ODR4: variants seen among roughly 807,000 people sequenced by gnomAD.
The protein encoded by ODR4 is protein odr-4 homolog.
ODR4 carries 47 observed loss-of-function variants against 60.2 expected under a neutral mutation model. The ratio of observed to expected loss-of-function variants is 0.78; its 90% CI spans 0.62 to 1.00. The LOEUF is 1.00. ODR4 is among the 50% of genes least tolerant of loss of function. ODR4 has a pLI of 0.00. For synonymous variants in ODR4, 178 were observed against 175.5 expected (o/e 1.01, Z -0.11); for missense variants, 488 against 530.8 (o/e 0.92, Z 0.79).
the ODR4 span, among the ~76,000 whole-genome samples, chr1:186,428,695 TGA>T: frequency 6.6e-6 from 1 of 152,314 alleles, no homozygotes. Flanking sequence ...TGGTTTAAAG[TGA>T]GAGACATATA....
At position 186,396,200 on chromosome 1, in the gene ODR4, C is replaced by A. The variant is rs113233868; in HGVS notation, c.781-2113C>A. On this transcript the variant is annotated intron_variant, in intron 9 of 13. Coordinates refer to ENST00000287859, the MANE Select transcript of ODR4 (RefSeq NM_017847.6). ...TCATAGAAGTTCCCTCACCTATAGGCTGTTTGGCAGCCAGGTTATTCCTAA... is the reference window on the plus strand; with the variant it reads ...TCATAGAAGTTCCCTCACCTATAGGATGTTTGGCAGCCAGGTTATTCCTAA... 2.2e-3 allele frequency among the ~76,000 whole-genome samples: 332 copies of A among 152,288 alleles called. 4 individuals carry two copies. Among genetic ancestry groups the A allele is most frequent in the African/African-American group, 7.6e-3 (314 of 41,562 alleles).
rs1000394516 is a variant in ODR4, at chr1:186,380,545, G to A, written c.99+661G>A. 5.3e-5 allele frequency among the ~76,000 whole-genome samples: 8 copies of A among 150,248 alleles called. No homozygotes were observed. The East Asian group carries it at 1.6e-3, about 29-fold the overall frequency. On this transcript the variant is annotated intron_variant, in intron 2 of 13. Coordinates refer to ENST00000287859, the MANE Select transcript of ODR4 (RefSeq NM_017847.6). ...TGAGTGAAGGAAGAACGTGTTAATC[G>A]GCAGGAGGGACCGGTCAGCAGTACA...
intron 9 of ODR4, among the ~76,000 whole-genome samples, chr1:186,394,454 T>C (rs1660594174): frequency 6.6e-6 from 1 of 152,138 alleles, no homozygotes; most frequent in Non-Finnish European, 1.5e-5. Flanking sequence ...AATTAGCAAG[T>C]TTTATATTTA....
At chr1:186,391,163 A>G (rs1660454660) in intron 7 of ODR4, among the ~76,000 whole-genome samples, 1 of 152,134 alleles carries the variant, frequency 6.6e-6, no homozygotes, top group Non-Finnish European at 1.5e-5. Context: ...ATATAACAGT[A>G]TTCATTAATT....
chr1:186,399,163 T>G (rs775007598), intron 11 of ODR4, 119 bp downstream of exon 11: 1 of 755,546 alleles, frequency 1.3e-6, no homozygotes, highest in East Asian at 2.8e-5. Context: ...AAGCAGTATA[T>G]CATCTTTTAT....
At chr1:186,395,603 A>G (rs1373803293) in intron 9 of ODR4, among the ~76,000 whole-genome samples, 1 of 152,118 alleles carries the variant, frequency 6.6e-6, no homozygotes, top group Admixed American at 6.6e-5. Flanking sequence ...TTAGCCTTAC[A>G]ACAGTATTAT....
At chr1:186,430,813 T>C in the ODR4 span, among the ~76,000 whole-genome samples, 1 of 151,796 alleles carries the variant, frequency 6.6e-6, no homozygotes, top group Non-Finnish European at 1.5e-5. Flanking sequence ...TAAATAGTGC[T>C]TTACAGTTTA....
chr1:186,380,114 T>C (rs1419013822), intron 2 of ODR4, among the ~76,000 whole-genome samples: 5 of 152,214 alleles, frequency 3.3e-5, no homozygotes, highest in Admixed American at 6.5e-5. Flanking sequence ...CCTTTGACCA[T>C]GTAAACGTAA....
At chr1:186,399,774 T>C (rs963797049) in intron 11 of ODR4, among the ~76,000 whole-genome samples, 1 of 152,130 alleles carries the variant, frequency 6.6e-6, no homozygotes, top group African/African-American at 2.4e-5. Context: ...CTAGTTTATA[T>C]GCTTCTCAGC....
the ODR4 span, among the ~76,000 whole-genome samples, chr1:186,429,269 C>T: frequency 6.9e-6 from 1 of 145,122 alleles, no homozygotes; most frequent in Non-Finnish European, 1.5e-5. Context: ...GACTCTGTCT[C>T]AAGAAAAAAA....
At chr1:186,381,609 GA>G (rs1184295327) in intron 2 of ODR4, among the ~76,000 whole-genome samples, 1 of 152,044 alleles carries the variant, frequency 6.6e-6, no homozygotes, top group Non-Finnish European at 1.5e-5. Flanking sequence ...TTACAGGCGT[GA>G]GCCACCGCGC....
intron 7 of ODR4, 62 bp from the exon 8 acceptor site, chr1:186,391,633 TA>T (rs1398260652): frequency 3.0e-6 from 3 of 986,034 alleles, no homozygotes; most frequent in African/African-American, 3.2e-5. Context: ...CAAAGTAGAT[TA>T]TAGGAAGTTT....
chr1:186,401,104 T>C (rs1374431362), intron 11 of ODR4: 9 of 1,595,354 alleles, frequency 5.6e-6, no homozygotes, highest in South Asian at 5.5e-5. Flanking sequence ...ATTAGTATAC[T>C]CTTCTATTTA....
chr1:186,393,895 TTA>T (rs1420548633), intron 8 of ODR4, 50 bp from the exon 9 acceptor site: 2 of 961,364 alleles, frequency 2.1e-6, no homozygotes, highest in Non-Finnish European at 3.2e-6. Context: ...AAGTTGTCTT[TTA>T]TGTTTTACAG....
chr1:186,430,392 A>G, the ODR4 span, among the ~76,000 whole-genome samples: 3 of 152,204 alleles, frequency 2.0e-5, no homozygotes, highest in South Asian at 4.1e-4. Flanking sequence ...AACTTGCTCA[A>G]TTTGTTGAGG....
Position 186,398,401 on chromosome 1 carries a change from A to C in ODR4, c.869A>C (p.Tyr290Ser), listed in dbSNP as rs1271435220. ...AAGGGTGCTGTGAAATGCAGAGCTTATATCCACAGCAGTAAACCCAAAGTT... is the reference window on the plus strand; with the variant it reads ...AAGGGTGCTGTGAAATGCAGAGCTTCTATCCACAGCAGTAAACCCAAAGTT... ...NLKGAVKCRA[Y>S]IHSSKPKVKD... The change falls in exon 10 of 14, where the codon TAT becomes TCT. Residue 290 changes from tyrosine (Y) to serine (S), a missense_variant. Tyr to Ser is a moderately radical substitution (Grantham distance 144). Transcript: ENST00000287859. 6 of 1,609,738 alleles carry C rather than the reference A, an allele frequency of 3.7e-6. No individual in the cohort carries two copies. The highest frequency in any genetic ancestry group is 5.1e-6 in the Non-Finnish European group (6 of 1,177,490).
chr1:186,384,334 G>A (rs1392316133), intron 3 of ODR4, among the ~76,000 whole-genome samples: 2 of 151,848 alleles, frequency 1.3e-5, no homozygotes, highest in East Asian at 3.9e-4. Flanking sequence ...CAAATATAGC[G>A]AGAACTCATT....
chr1:186,410,858 A>G (rs1021117698), intron 12 of ODR4, among the ~76,000 whole-genome samples: 1 of 152,048 alleles, frequency 6.6e-6, no homozygotes. Context: ...TCTACTAAAA[A>G]TACAAAGTTA....
chr1:186,392,745 G>C (rs1000085484), intron 8 of ODR4, among the ~76,000 whole-genome samples: 1 of 152,216 alleles, frequency 6.6e-6, no homozygotes, highest in Non-Finnish European at 1.5e-5. Flanking sequence ...GCTCATGCCT[G>C]TAATCCCAGC....
Sources: allele counts gnomAD v4.1 joint callset (sites outside exome capture counted in the v4.1 genomes callset), GRCh38; gene constraint gnomAD v4.1.1; transcripts MANE v1.5; gene names NCBI Gene and HGNC (gene_info 2026-07-23, HGNC 2026-07-21).